CRYBA1: variants seen among roughly 807,000 people sequenced by gnomAD.
CRYBA1 encodes beta-crystallin A3.
CRYBA1 carries 25 observed loss-of-function variants against 36.2 expected under a neutral mutation model. That is an observed-to-expected ratio of 0.69 (90% CI 0.50 to 0.97). The LOEUF (loss-of-function observed/expected upper bound fraction) is 0.97. Ranked by LOEUF, CRYBA1 falls within the 50% of genes least tolerant of loss-of-function variation. The pLI is 0.00. For synonymous variants in CRYBA1, 111 were observed against 90.0 expected, an observed-to-expected ratio of 1.23 and a Z score of -1.32; for missense variants, 224 against 276.3, an observed-to-expected ratio of 0.81 and a Z score of 1.34.
chr17:29,254,482 TAAAA>T lies in CRYBA1; in HGVS notation c.*142_*145del, dbSNP rs371972959. On this transcript the variant is annotated 3_prime_UTR_variant, in exon 6 of 6. Coordinates refer to ENST00000225387, the MANE Select transcript of CRYBA1 (RefSeq NM_005208.5). ...GCTGAAATCCACAATAAACGTCATT[TAAAA>T]AAAAAAAACTTTGTAGACTGAATTA... The T allele has an allele frequency of 1.4e-5, 10 of 722,532 alleles. No homozygotes were observed. The highest frequency in any genetic ancestry group is 2.8e-4 in the Middle Eastern group (1 of 3,596). 44.8% of individuals were successfully genotyped at this position (722,532 alleles called of 1,614,324 possible).
At position 29,253,718 on chromosome 17, in the gene CRYBA1, C is replaced by A. The variant is rs764172646; in HGVS notation, c.436C>A (p.Pro146Thr). 1 of 1,613,962 alleles carries A rather than the reference C, an allele frequency of 6.2e-7. No homozygotes were observed. ...GRQWEISDDY[P>T]SLQAMGWFNN... ...CCAGTGGGAGATCTCTGACGACTAC[C>A]CCTCCTTGCAAGCCATGGGCTGGTT... The change falls in exon 5 of 6, where the codon CCC becomes ACC. Residue 146 changes from proline (P) to threonine (T), a missense_variant. Pro to Thr is a conservative substitution (Grantham distance 38). Transcript: ENST00000225387.
In CRYBA1 at chr17:29,253,629, C is replaced by G. The variant is rs1265920319; in HGVS notation, c.358-11C>G. 1 of 1,608,774 alleles carries G rather than the reference C, an allele frequency of 6.2e-7. No homozygotes were observed. On this transcript the variant is annotated splice_polypyrimidine_tract_variant and intron_variant, in intron 4 of 5. Transcript: ENST00000225387. ...AGTACTAAACATTTTAAAACAATTTCTGAATTACAGAATCATAAGGAGTCT... is the reference window on the plus strand; with the variant it reads ...AGTACTAAACATTTTAAAACAATTTGTGAATTACAGAATCATAAGGAGTCT...
intron 1 of CRYBA1, among the ~76,000 whole-genome samples, chr17:29,247,256 C>T (rs2068906316): frequency 1.3e-5 from 2 of 152,174 alleles, no homozygotes; most frequent in Non-Finnish European, 2.9e-5. Context: ...AGGAGGAGGG[C>T]CATGAATATC....
intron 1 of CRYBA1, 142 bp from the exon 2 acceptor site, chr17:29,249,000 G>A: frequency 1.4e-6 from 1 of 698,876 alleles, no homozygotes; most frequent in Non-Finnish European, 2.6e-6. Flanking sequence ...CAAACCCCGA[G>A]GCACAGCTAG....
rs1317354465 is a variant in CRYBA1, at chr17:29,252,092, T to C, written c.244T>C (p.Cys82Arg). Reference protein sequence around the residue: ...AWIGYEHTSFCGQQFILERGE... With the variant: ...AWIGYEHTSFRGQQFILERGE... Reference sequence around the variant, plus strand: ...GATTGGTTATGAGCATACCAGCTTCTGTGGGCAACAGTTTATCCTGGAGAG... The same window carrying C: ...GATTGGTTATGAGCATACCAGCTTCCGTGGGCAACAGTTTATCCTGGAGAG... The change falls in exon 4 of 6, where the codon TGT (cysteine) becomes CGT (arginine). Residue 82 changes from cysteine to arginine, a missense_variant. Transcript: ENST00000225387. 1 of 1,614,190 alleles carries C rather than the reference T, an allele frequency of 6.2e-7. No homozygotes were observed. The highest frequency in any genetic ancestry group is 2.2e-5 in the East Asian group (1 of 44,876).
chr17:29,251,330 AAAC>A (rs1325892420), intron 3 of CRYBA1, among the ~76,000 whole-genome samples: 1 of 152,106 alleles, frequency 6.6e-6, no homozygotes, highest in Non-Finnish European at 1.5e-5. Context: ...ACAACAACAA[AAAC>A]AACTCATAAT....
rs1291372345 is a variant in CRYBA1, at chr17:29,250,295, T to C, written c.210T>C (p.Ser70=). The change falls in exon 3 of 6, where the codon AGT becomes AGC. Residue 70 remains serine (S), a synonymous_variant. Coordinates refer to ENST00000225387, the MANE Select transcript of CRYBA1 (RefSeq NM_005208.5). ...FDNVRSLKVE[S]GAWIGYEHTS... is the part of the protein sequence containing the mutation. ...ATGTCCGGTCCCTGAAGGTGGAAAG[T>C]GGCGCGTGAGTATGGACTTCCGCAG... 1 of 1,597,294 alleles carries C rather than the reference T, an allele frequency of 6.3e-7. No individual in the cohort carries two copies. The highest frequency in any genetic ancestry group is 8.6e-7 in the Non-Finnish European group (1 of 1,164,604).
Position 29,250,196 on chromosome 17 carries a change from T to G in CRYBA1, c.111T>G (p.Asp37Glu). ...SLGPWKITIY[D>E]QENFQGKRME... ...TCTCATTTCAGATAACCATCTATGA[T>G]CAGGAGAACTTTCAGGGCAAGAGGA... The change falls in exon 3 of 6, where the codon GAT becomes GAG. Residue 37 changes from aspartate (D) to glutamate (E), a missense_variant. By Grantham distance (45) the Asp-to-Glu change is conservative (BLOSUM62 2). Transcript: ENST00000225387. 3 of 1,594,186 alleles carry G rather than the reference T, an allele frequency of 1.9e-6. No homozygotes were observed. The highest frequency in any genetic ancestry group is 2.6e-6 in the Non-Finnish European group (3 of 1,161,778).
chr17:29,252,230 C>T (rs760281544), intron 4 of CRYBA1, 25 bp downstream of exon 4: 6 of 1,613,642 alleles, frequency 3.7e-6, no homozygotes, highest in Non-Finnish European at 5.1e-6. Flanking sequence ...TTTCCACTTC[C>T]GTGCATATGA....
chr17:29,251,961 G>A, intron 3 of CRYBA1, 103 bp from the exon 4 acceptor site: 1 of 1,460,570 alleles, frequency 6.8e-7, no homozygotes, highest in Non-Finnish European at 9.6e-7. Context: ...GGATTGGCTT[G>A]ATATTTTACC....
chr17:29,251,615 G>A (rs1404907901), intron 3 of CRYBA1, among the ~76,000 whole-genome samples: 1 of 152,102 alleles, frequency 6.6e-6, no homozygotes, highest in African/African-American at 2.4e-5. Context: ...CTGAATAGCT[G>A]GGACTGCCAG....
intron 3 of CRYBA1, 44 bp downstream of exon 3, chr17:29,250,344 C>T: frequency 9.1e-7 from 1 of 1,101,840 alleles, no homozygotes; most frequent in Non-Finnish European, 1.4e-6. Context: ...TATTTCAGGT[C>T]CCTTCAGACA....
intron 2 of CRYBA1, among the ~76,000 whole-genome samples, chr17:29,249,597 T>C (rs149274069): frequency 4.4e-4 from 67 of 152,318 alleles, no homozygotes; most frequent in African/African-American, 1.5e-3. Context: ...GCTTTAACCA[T>C]TGGCCGAAGT....
chr17:29,248,054 T>C (rs1183483397), intron 1 of CRYBA1, among the ~76,000 whole-genome samples: 2 of 150,880 alleles, frequency 1.3e-5, no homozygotes, highest in Non-Finnish European at 2.9e-5. Flanking sequence ...AGGCGGAGGT[T>C]GCGGTGAGCC....
In CRYBA1 at chr17:29,254,431, A is replaced by T; in HGVS notation, c.*82A>T. ...CTAGAATAAGTTTTATGTTCTGCTCACAGACATTGCTTTCAAATGTTAGCT... is the reference window on the plus strand; with the variant it reads ...CTAGAATAAGTTTTATGTTCTGCTCTCAGACATTGCTTTCAAATGTTAGCT... On this transcript the variant is annotated 3_prime_UTR_variant, in exon 6 of 6. Transcript: ENST00000225387. 2.1e-6 allele frequency: 3 copies of T among 1,440,410 alleles called. No homozygotes were observed. Among genetic ancestry groups the T allele is most frequent in the Non-Finnish European group, 2.9e-6 (3 of 1,024,722 alleles). The allele number at this position is 1,440,410 out of a possible 1,614,324, so 89.2% of individuals were successfully genotyped here. A position where few individuals can be genotyped will look rare whatever the true frequency, so the allele number is the denominator to read the frequency against.
intron 5 of CRYBA1, 99 bp from the exon 6 acceptor site, chr17:29,254,103 C>A: frequency 1.5e-6 from 2 of 1,326,074 alleles, no homozygotes; most frequent in Non-Finnish European, 2.1e-6. Context: ...AGCCTAAAAG[C>A]ATCTCATACC....
At chr17:29,246,984 T>C (rs1247453126) in intron 1 of CRYBA1, 90 bp downstream of exon 1, 7 of 1,393,020 alleles carry the variant, frequency 5.0e-6, no homozygotes, top group South Asian at 4.9e-5. Context: ...CTGCCTAGTG[T>C]GTAGAGCCTT....
In CRYBA1 at chr17:29,249,280, G is replaced by A. The variant is rs200873070; in HGVS notation, c.96+74G>A. 3.9e-4 allele frequency: 415 copies of A among 1,069,358 alleles called. 1 individual carries two copies. The African/African-American group carries it at 5.2e-3, about 13-fold the overall frequency. 66.2% of individuals were successfully genotyped at this position (1,069,358 alleles called of 1,614,324 possible). On this transcript the variant is annotated intron_variant, in intron 2 of 5. Coordinates refer to ENST00000225387, the MANE Select transcript of CRYBA1 (RefSeq NM_005208.5). Reference sequence around the variant, plus strand: ...CAGAGCAGGCCCCAGGCCTGTGCTCGTCCATAAGGCAGTGACTGACCAGAA... The same window carrying A: ...CAGAGCAGGCCCCAGGCCTGTGCTCATCCATAAGGCAGTGACTGACCAGAA...
In CRYBA1 at chr17:29,249,123, T is replaced by A. The variant is rs1171806707; in HGVS notation, c.32-19T>A. ...TCCTCCCAAGAGGCCACATCATTCG[T>A]GTGTGCTCTGTCTTCCAGAAACCCT... is the stretch of plus-strand genomic sequence containing the variant. On this transcript the variant is annotated intron_variant, in intron 1 of 5. Coordinates refer to ENST00000225387, the MANE Select transcript of CRYBA1 (RefSeq NM_005208.5). 1.9e-6 allele frequency: 3 copies of A among 1,581,532 alleles called. No homozygotes were observed. The highest frequency in any genetic ancestry group is 1.3e-5 in the African/African-American group (1 of 74,220).
Sources: allele counts gnomAD v4.1 joint callset (sites outside exome capture counted in the v4.1 genomes callset), GRCh38; gene constraint gnomAD v4.1.1; transcripts MANE v1.5; gene names NCBI Gene and HGNC (gene_info 2026-07-23, HGNC 2026-07-21).